The following XKR5 variants were observed in gnomAD, a reference collection of about 807,000 sequenced individuals.
XKR5 encodes the protein XK related 5.
In XKR5, 46 loss-of-function variants were observed where a neutral mutation model predicts 40.8. The observed-to-expected ratio is 1.13, with a 90% CI of 0.89 to 1.44. The LOEUF is 1.44. Ranked by LOEUF, XKR5 falls within the 40% of genes most tolerant of loss-of-function variation. XKR5 has a pLI of 0.00. For synonymous variants in XKR5, 466 were observed against 356.1 expected, an observed-to-expected ratio of 1.31 and a Z score of -3.48; for missense variants, 1,169 against 844.7, an observed-to-expected ratio of 1.38 and a Z score of -4.76.
At chr8:6,828,487 C>G (rs997314175) in intron 2 of XKR5, among the ~76,000 whole-genome samples, 6 of 152,186 alleles carry the variant, frequency 3.9e-5, no homozygotes, top group Non-Finnish European at 5.9e-5. Context: ...TTTTCTGAAA[C>G]GAGCTGTCTC....
chr8:6,816,843 G>C (rs903898530), intron 5 of XKR5, among the ~76,000 whole-genome samples: 1 of 151,514 alleles, frequency 6.6e-6, no homozygotes, highest in Non-Finnish European at 1.5e-5. Context: ...AGATTTGCCA[G>C]GTTATTCATT....
intron 5 of XKR5, among the ~76,000 whole-genome samples, chr8:6,819,736 G>A (rs1200302150): frequency 1.3e-5 from 2 of 152,140 alleles, no homozygotes; most frequent in Non-Finnish European, 2.9e-5. Flanking sequence ...AATGTCAGGA[G>A]TTTAATAGGT....
chr8:6,812,410 C>A lies in XKR5; in HGVS notation c.920-71G>T, dbSNP rs1803772264. On this transcript the variant is annotated intron_variant, in intron 6 of 6. Transcript: ENST00000618742. ...GCATCCTCCCTCTGGTGTGCAGTTT[C>A]AGGTTCTGGCCCTTTTGTGTAGAGG... is the stretch of plus-strand genomic sequence containing the variant. 2.1e-6 allele frequency: 3 copies of A among 1,436,254 alleles called. No individual in the cohort carries two copies. In the African/African-American group the frequency reaches 4.3e-5, roughly 21 times the overall value. 89.0% of individuals were successfully genotyped at this position (1,436,254 alleles called of 1,614,324 possible).
Position 6,812,167 on chromosome 8 carries a change from G to A in XKR5, c.1092C>T (p.Cys364=). The change falls in exon 7 of 7, where the codon TGC becomes TGT. Residue 364 remains cysteine (C), a synonymous_variant. Transcript: ENST00000618742. ...TGGTTGGTTCATAACTTGCCCCTTG[G>A]CATGAGCCTGAGCTCTCGGTTCTCT... The part of the protein sequence containing the change: ...AGKRTESSGS[C]QGASYEPTIL... The A allele has an allele frequency of 1.3e-6, 2 of 1,551,650 alleles. No homozygotes were observed. Among genetic ancestry groups the A allele is most frequent in the Admixed American group, 2.0e-5 (1 of 51,002 alleles).
In XKR5 at chr8:6,808,601, C is replaced by A. The variant is rs1487826948; in HGVS notation, c.*2597G>T. 1 of 152,146 alleles carries A rather than the reference C, an allele frequency of 6.6e-6. No individual in the cohort carries two copies. The highest frequency in any genetic ancestry group is 2.4e-5 in the African/African-American group (1 of 41,428). 9.4% of individuals were successfully genotyped at this position (152,146 alleles called of 1,614,324 possible). On this transcript the variant is annotated 3_prime_UTR_variant, in exon 7 of 7. Transcript: ENST00000618742. ...ATCCTTTTCATCACCGGGCAATATGCTTTCTGGAGGCATGAAGTGAGGAAG... is the reference window on the plus strand; with the variant it reads ...ATCCTTTTCATCACCGGGCAATATGATTTCTGGAGGCATGAAGTGAGGAAG...
rs1467227047 is a variant in XKR5 at position 6,829,874 on chromosome 8, G to A, written c.242+2843C>T. Among the ~76,000 whole-genome samples the A allele has an allele frequency of 3.7e-5, 4 of 109,428 alleles. No homozygotes were observed. The South Asian group carries it at 1.3e-3, about 35-fold the overall frequency. The allele number at this position is 109,428 out of a possible 152,430, so 71.8% of individuals were successfully genotyped here. ...TTTTTTTGAGACGGAGTCTCGCTCTGTCACCCAAGCTGGAGTCCAGTGATG... is the reference window on the plus strand; with the variant it reads ...TTTTTTTGAGACGGAGTCTCGCTCTATCACCCAAGCTGGAGTCCAGTGATG... On this transcript the variant is annotated intron_variant, in intron 2 of 6. Coordinates refer to ENST00000618742, the MANE Select transcript of XKR5 (RefSeq NM_207411.5).
At position 6,825,258 on chromosome 8, in the gene XKR5, G is replaced by T; in HGVS notation, c.334C>A (p.Leu112Ile). ...TGCAGCAGGGCCTCCAAGAGTCGAA[G>T]GGCCGACAGGTCGGCCTCCTGCAGC... Reference protein sequence around the residue: ...LQLQEADLSALRLLEALLQTG... With the variant: ...LQLQEADLSAIRLLEALLQTG... The change falls in exon 3 of 7, where the codon CTT becomes ATT. Residue 112 changes from leucine (L) to isoleucine (I), a missense_variant. Physicochemically the swap from Leu to Ile is conservative, Grantham distance 5. Transcript: ENST00000618742. The T allele has an allele frequency of 6.2e-7, 1 of 1,612,300 alleles. No individual in the cohort carries two copies. The highest frequency in any genetic ancestry group is 8.5e-7 in the Non-Finnish European group (1 of 1,179,368).
rs771959650 is a variant in XKR5 at position 6,811,367 on chromosome 8, T to C, written c.1892A>G (p.Glu631Gly). ...LSISELEEPLEPKRELSHHAA... is the reference protein window; with the variant it reads ...LSISELEEPLGPKRELSHHAA... ...ATGGTGACTTAGCTCCCTTTTGGGC[T>C]CCAGCGGCTCCTCTAGCTCTGAGAT... is the stretch of plus-strand genomic sequence containing the variant. The change falls in exon 7 of 7, where the codon GAG (glutamate) becomes GGG (glycine). Residue 631 changes from glutamate (E) to glycine (G), a missense_variant. Physicochemically the swap from Glu to Gly is moderately conservative, Grantham distance 98. Coordinates refer to ENST00000618742, the MANE Select transcript of XKR5 (RefSeq NM_207411.5). The C allele has an allele frequency of 6.5e-7, 1 of 1,537,356 alleles. No homozygotes were observed. The highest frequency in any genetic ancestry group is 8.7e-7 in the Non-Finnish European group (1 of 1,146,932).
chr8:6,822,135 C>G, intron 4 of XKR5, 97 bp from the exon 5 acceptor site: 1 of 1,223,448 alleles, frequency 8.2e-7, no homozygotes, highest in Non-Finnish European at 1.1e-6. Context: ...TCTCCGACCA[C>G]ATTTGACTCA....
In XKR5 at chr8:6,810,851, G is replaced by C. The variant is rs550951190; in HGVS notation, c.*347C>G. 93 of 186,592 alleles carry C rather than the reference G, an allele frequency of 5.0e-4. No individual in the cohort carries two copies. Among genetic ancestry groups the C allele is most frequent in the African/African-American group, 2.1e-3 (90 of 42,796 alleles). 11.6% of individuals were successfully genotyped at this position (186,592 alleles called of 1,614,324 possible). On this transcript the variant is annotated 3_prime_UTR_variant, in exon 7 of 7. Transcript: ENST00000618742. ...TGTAACAAGAACCTCAAATAAAATA[G>C]GAATCTGGGTTTTACCTTTGTGTTT... is the stretch of plus-strand genomic sequence containing the variant.
chr8:6,822,413 T>G (rs890901082), intron 4 of XKR5, among the ~76,000 whole-genome samples: 3 of 152,186 alleles, frequency 2.0e-5, no homozygotes, highest in African/African-American at 7.2e-5. Flanking sequence ...AACCTCCACA[T>G]GCAAAGGAAA....
chr8:6,815,382 C>T (rs1384806350), intron 6 of XKR5, among the ~76,000 whole-genome samples: 1 of 152,126 alleles, frequency 6.6e-6, no homozygotes, highest in Non-Finnish European at 1.5e-5. Flanking sequence ...GGGGACTCAA[C>T]CTCCTCTGTG....
At chr8:6,816,536 CT>C (rs1803964727) in intron 5 of XKR5, among the ~76,000 whole-genome samples, 1 of 151,952 alleles carries the variant, frequency 6.6e-6, no homozygotes, top group Admixed American at 6.5e-5. Flanking sequence ...ATTAACTTTG[CT>C]TTCCAATTTT....
intron 1 of XKR5, among the ~76,000 whole-genome samples, chr8:6,834,740 C>T (rs1317891725): frequency 6.6e-6 from 1 of 152,214 alleles, no homozygotes; most frequent in Non-Finnish European, 1.5e-5. Context: ...TGGGCGGAGA[C>T]GCTCCTCCCG....
At chr8:6,817,401 T>C (rs1804012142) in intron 5 of XKR5, among the ~76,000 whole-genome samples, 1 of 152,128 alleles carries the variant, frequency 6.6e-6, no homozygotes, top group South Asian at 2.1e-4. Context: ...CAGTCTTTCC[T>C]CAACCAAACT....
rs187981236 is a variant in XKR5, at chr8:6,821,323, T to A, written c.807+546A>T. 3.5e-4 allele frequency among the ~76,000 whole-genome samples: 53 copies of A among 152,292 alleles called. 1 individual carries two copies. The highest frequency in any genetic ancestry group is 1.1e-3 in the African/African-American group (44 of 41,548). On this transcript the variant is annotated intron_variant, in intron 5 of 6. Coordinates refer to ENST00000618742, the MANE Select transcript of XKR5 (RefSeq NM_207411.5). ...CAGCTACTCCTATGAGTCCCAGACA[T>A]TTTTTTCTCTCCTGGCATCTAGCTA...
rs1383672328 is a variant in XKR5 at position 6,823,943 on chromosome 8, G to T, written c.428-213C>A. On this transcript the variant is annotated intron_variant, in intron 3 of 6. Coordinates refer to ENST00000618742, the MANE Select transcript of XKR5 (RefSeq NM_207411.5). ...CCTGTCTATATTCAGGAAGAAATGGGGATATGCAGGAAATATTTCCACTGC... is the reference window on the plus strand; with the variant it reads ...CCTGTCTATATTCAGGAAGAAATGGTGATATGCAGGAAATATTTCCACTGC... 4.6e-5 allele frequency among the ~76,000 whole-genome samples: 7 copies of T among 152,160 alleles called. No individual in the cohort carries two copies. The East Asian group carries it at 7.7e-4, about 17-fold the overall frequency.
At chr8:6,826,318 G>A (rs1804474644) in intron 2 of XKR5, among the ~76,000 whole-genome samples, 1 of 151,066 alleles carries the variant, frequency 6.6e-6, no homozygotes, top group Admixed American at 6.6e-5. Flanking sequence ...TATCTGTAGT[G>A]TGTGCAGTGT....
intron 2 of XKR5, among the ~76,000 whole-genome samples, chr8:6,825,936 C>T (rs576716805): frequency 1.3e-5 from 2 of 152,240 alleles, no homozygotes; most frequent in South Asian, 4.2e-4. Flanking sequence ...AGCTTGGAGG[C>T]TGATGTGGTC....
Sources: gnomAD v4.1 joint callset for allele counts (sites outside exome capture counted in the v4.1 genomes callset) on GRCh38, gnomAD v4.1.1 for gene constraint, MANE v1.5 for transcripts, NCBI Gene and HGNC (gene_info 2026-07-23, HGNC 2026-07-21) for gene names.